CERS5: variants seen among roughly 807,000 people sequenced by gnomAD.
CERS5 encodes ceramide synthase 5.
A neutral mutation model predicts 58.9 loss-of-function variants in CERS5; 37 were observed. The ratio of observed to expected loss-of-function variants is 0.63; its 90% CI spans 0.48 to 0.83. The LOEUF (loss-of-function observed/expected upper bound fraction) is 0.83. Among genes scored for constraint, CERS5 ranks in the 40% least tolerant of loss-of-function variants. The pLI is 0.00. For synonymous variants in CERS5, 147 were observed against 177.8 expected, an observed-to-expected ratio of 0.83 and a Z score of 1.38; for missense variants, 398 against 489.3, an observed-to-expected ratio of 0.81 and a Z score of 1.76.
At chr12:50,157,981 G>A (rs1434827180) in intron 1 of CERS5, among the ~76,000 whole-genome samples, 4 of 147,678 alleles carry the variant, frequency 2.7e-5, no homozygotes, top group African/African-American at 1.0e-4. Context: ...AAGATGGCTT[G>A]AGCCAGGGAG....
intron 1 of CERS5, among the ~76,000 whole-genome samples, chr12:50,160,229 C>T (rs1201085509): frequency 1.3e-5 from 2 of 148,258 alleles, no homozygotes; most frequent in East Asian, 4.0e-4. Context: ...CGCTTGAACC[C>T]AGGAGGCGGA....
At chr12:50,147,949 A>C (rs575804515) in intron 1 of CERS5, among the ~76,000 whole-genome samples, 2 of 150,704 alleles carry the variant, frequency 1.3e-5, no homozygotes, top group Admixed American at 1.3e-4. Context: ...TAATTAAAAA[A>C]TTTTTTTTTT....
intron 4 of CERS5, 120 bp from the exon 5 acceptor site, chr12:50,138,737 A>G (rs1252158467): frequency 3.7e-6 from 3 of 819,496 alleles, no homozygotes; most frequent in Non-Finnish European, 6.5e-6. Context: ...GCCCCCAAAC[A>G]GATTTTAGGG....
At chr12:50,135,601 A>G in intron 8 of CERS5, 131 bp downstream of exon 8, 1 of 787,888 alleles carries the variant, frequency 1.3e-6, no homozygotes, top group Non-Finnish European at 2.3e-6. Flanking sequence ...AAGCAGGGCA[A>G]TAGGGTTCTT....
intron 1 of CERS5, among the ~76,000 whole-genome samples, chr12:50,158,979 AAGGCAAAATTATAGAGCAATG>A: frequency 6.6e-6 from 1 of 151,982 alleles, no homozygotes; most frequent in Non-Finnish European, 1.5e-5. Context: ...TAGATGTAAA[AAGGCAAAATTATAGAGCAATG>A]CTTGGCTAGA....
At chr12:50,144,651 G>C (rs1952157874) in intron 1 of CERS5, 2 of 524,566 alleles carry the variant, frequency 3.8e-6, no homozygotes, top group East Asian at 6.4e-5. Flanking sequence ...AGATCTTTCA[G>C]GAGTCGAGAA....
At chr12:50,139,240 G>A (rs1264778686) in intron 4 of CERS5, among the ~76,000 whole-genome samples, 1 of 152,146 alleles carries the variant, frequency 6.6e-6, no homozygotes, top group African/African-American at 2.4e-5. Context: ...AGCACTTTGG[G>A]AGGGTGAGGT....
chr12:50,147,860 C>T (rs1952379957), intron 1 of CERS5, among the ~76,000 whole-genome samples: 1 of 152,082 alleles, frequency 6.6e-6, no homozygotes, highest in African/African-American at 2.4e-5. Context: ...TCACTGCAGC[C>T]TTGACTTCCT....
chr12:50,166,516 C>T (rs562206101), intron 1 of CERS5, among the ~76,000 whole-genome samples: 48 of 152,230 alleles, frequency 3.2e-4, no homozygotes, highest in South Asian at 2.1e-3. Context: ...ACACCCTATC[C>T]CAACCAGATT....
chr12:50,162,198 TTTTTTTTTA>T (rs1483027983), intron 1 of CERS5, among the ~76,000 whole-genome samples: 4 of 121,818 alleles, frequency 3.3e-5, no homozygotes, highest in South Asian at 2.7e-4. Flanking sequence ...TTTTTTTTTT[TTTTTTTTTA>T]AATGTATATG....
chr12:50,140,794 T>C (rs1440914934), intron 4 of CERS5, among the ~76,000 whole-genome samples: 1 of 151,636 alleles, frequency 6.6e-6, no homozygotes, highest in Non-Finnish European at 1.5e-5. Flanking sequence ...GTCAATAAGG[T>C]AAAACTGGTT....
chr12:50,167,115 C>A lies in CERS5; in HGVS notation c.183G>T (p.Arg61Ser). Residue 61 changes from arginine to serine, a missense_variant, in exon 1 of 10, where the codon AGG becomes AGT. Coordinates refer to ENST00000317551, the MANE Select transcript of CERS5 (RefSeq NM_147190.5). ...CGGGCTCTCACCGCTCGAAGAGCAG[C>A]CTCACGAAGAAGATGCCCGCCGCCA... ...FPLAAGIFFVRLLFERFIAKP... is the reference protein window; with the variant it reads ...FPLAAGIFFVSLLFERFIAKP... The A allele has an allele frequency of 6.5e-7, 1 of 1,550,246 alleles. No individual in the cohort carries two copies. Among genetic ancestry groups the A allele is most frequent in the Non-Finnish European group, 8.7e-7 (1 of 1,152,826 alleles).
chr12:50,135,317 G>GAAGAGAGAGAGA (rs1951628532), intron 8 of CERS5: 1 of 153,200 alleles, frequency 6.5e-6, no homozygotes, highest in Admixed American at 1.1e-4. Flanking sequence ...GAGTGTGTGT[G>GAAGAGAGAGAGA]TGTGTGTGTG....
chr12:50,135,294 AAGAG>A (rs1211849270), intron 8 of CERS5: 12 of 164,422 alleles, frequency 7.3e-5, no homozygotes, highest in East Asian at 2.9e-4. Flanking sequence ...GAGAGGGAGG[AAGAG>A]AGAGAGAGGA....
At chr12:50,156,099 C>CAAAAAA (rs34616031) in intron 1 of CERS5, among the ~76,000 whole-genome samples, 1 of 48,978 alleles carries the variant, frequency 2.0e-5, no homozygotes, top group African/African-American at 9.8e-5. Flanking sequence ...CATTCTGTCT[C>CAAAAAA]AAAAAAAAAA....
Position 50,143,072 on chromosome 12 carries a change from A to C in CERS5, c.434+2T>G, listed in dbSNP as rs751522158. ...TCCCTCCCTCCCTCCTTGCGTACTT[A>C]CATGCTTTCACAGAATTTAGTAAGC... On this transcript the variant is annotated splice_donor_variant, in intron 3 of 9. Transcript: ENST00000317551. LOFTEE classifies it high-confidence loss of function. The C allele has an allele frequency of 6.2e-7, 1 of 1,603,450 alleles. No individual in the cohort carries two copies. Among genetic ancestry groups the C allele is most frequent in the East Asian group, 2.2e-5 (1 of 44,642 alleles).
rs1260179278 is a variant in CERS5, at chr12:50,138,720, C to G, written c.493-103G>C. 3.0e-6 allele frequency: 3 copies of G among 986,230 alleles called. No individual in the cohort carries two copies. The African/African-American group carries it at 4.8e-5, about 16-fold the overall frequency. The allele number at this position is 986,230 out of a possible 1,614,324, so 61.1% of individuals were successfully genotyped here. On this transcript the variant is annotated intron_variant, in intron 4 of 9. Coordinates refer to ENST00000317551, the MANE Select transcript of CERS5 (RefSeq NM_147190.5). ...CTCTCTAGGCTGGGGCAAAAGAGGA[C>G]AGAAAAGCCCCCAAACAGATTTTAG...
intron 9 of CERS5, chr12:50,132,834 C>A (rs900362413): frequency 1.8e-6 from 2 of 1,131,834 alleles, no homozygotes; most frequent in South Asian, 1.7e-5. Context: ...CAATAATGGC[C>A]CCGAAAAGTC....
intron 5 of CERS5, 47 bp from the exon 6 acceptor site, chr12:50,137,867 C>T: frequency 8.1e-7 from 1 of 1,239,214 alleles, no homozygotes; most frequent in East Asian, 2.3e-5. Flanking sequence ...GTCAAAGGTG[C>T]ATTCCATCTC....
Sources: gnomAD v4.1 joint callset for allele counts (sites outside exome capture counted in the v4.1 genomes callset) on GRCh38, gnomAD v4.1.1 for gene constraint, MANE v1.5 for transcripts, NCBI Gene and HGNC (gene_info 2026-07-23, HGNC 2026-07-21) for gene names.